Variants in TFDP1 observed in about 807,000 individuals in gnomAD.
TFDP1 encodes transcription factor Dp-1, also known as DRTF1-polypeptide 1.
TFDP1 carries 6 observed loss-of-function variants against 48.0 expected under a neutral mutation model. The observed-to-expected ratio is 0.13, with a 90% CI of 0.07 to 0.25. TFDP1 has a LOEUF of 0.25. TFDP1 is among the 10% of genes least tolerant of loss of function. The pLI is 1.00. For missense variants in TFDP1, 335 were observed against 543.0 expected (o/e 0.62, Z 3.81); for synonymous variants, 201 against 211.6 (o/e 0.95, Z 0.44).
At chr13:113,635,756 C>T (rs575201728) in intron 8 of TFDP1, among the ~76,000 whole-genome samples, 10 of 152,286 alleles carry the variant, frequency 6.6e-5, no homozygotes, top group African/African-American at 1.4e-4. Flanking sequence ...GATGGCTGTG[C>T]GCCCGCTTTC....
At chr13:113,604,006 TAAA>T (rs1316037478) in intron 2 of TFDP1, among the ~76,000 whole-genome samples, 1 of 150,530 alleles carries the variant, frequency 6.6e-6, no homozygotes, top group South Asian at 2.1e-4. Flanking sequence ...CTACTACAAA[TAAA>T]AAAAAATTAG....
At chr13:113,613,988 G>A (rs1452812405) in intron 3 of TFDP1, among the ~76,000 whole-genome samples, 1 of 151,398 alleles carries the variant, frequency 6.6e-6, no homozygotes, top group South Asian at 2.1e-4. Context: ...TGTGTTGTGA[G>A]TGTGCATGAG....
chr13:113,637,665 G>A (rs965094687), intron 10 of TFDP1, 153 bp from the exon 11 acceptor site: 3 of 1,543,224 alleles, frequency 1.9e-6, no homozygotes, highest in African/African-American at 2.7e-5. Flanking sequence ...CCTGCTCCGT[G>A]GCGCAGTGTG....
chr13:113,609,525 G>A (rs571748702), intron 2 of TFDP1, among the ~76,000 whole-genome samples: 2 of 152,140 alleles, frequency 1.3e-5, no homozygotes, highest in African/African-American at 4.8e-5. Context: ...CTGTGGGGAA[G>A]TGGAGTTGTG....
chr13:113,629,724 G>A (rs781595882), intron 4 of TFDP1, among the ~76,000 whole-genome samples: 3 of 152,158 alleles, frequency 2.0e-5, no homozygotes, highest in African/African-American at 7.2e-5. Flanking sequence ...CAGCTCATGC[G>A]GGTTTATCGG....
intron 2 of TFDP1, among the ~76,000 whole-genome samples, chr13:113,603,886 C>A (rs1028703773): frequency 1.3e-5 from 2 of 152,052 alleles, no homozygotes; most frequent in African/African-American, 4.8e-5. Context: ...AAATTAATAG[C>A]AATTTCAGCA....
intron 3 of TFDP1, among the ~76,000 whole-genome samples, chr13:113,614,209 TTGAG>T (rs1047632472): frequency 1.3e-5 from 2 of 151,108 alleles, no homozygotes; most frequent in Non-Finnish European, 3.0e-5. Context: ...TGTGTGCGAG[TTGAG>T]TATGATGTGT....
chr13:113,634,156 C>A, intron 7 of TFDP1, 123 bp downstream of exon 7: 2 of 1,399,996 alleles, frequency 1.4e-6, no homozygotes, highest in Non-Finnish European at 2.0e-6. Context: ...GGCTGGCAGA[C>A]GGTCATGCAG....
At chr13:113,630,179 A>G (rs558321493) in intron 4 of TFDP1, among the ~76,000 whole-genome samples, 142 of 149,680 alleles carry the variant, frequency 9.5e-4, no homozygotes, top group African/African-American at 3.2e-3. Flanking sequence ...ACACACACAC[A>G]CACGCGTATT....
At chr13:113,619,342 G>T (rs901271765) in intron 3 of TFDP1, among the ~76,000 whole-genome samples, 1 of 152,172 alleles carries the variant, frequency 6.6e-6, no homozygotes, top group African/African-American at 2.4e-5. Flanking sequence ...GTGGTGGCAG[G>T]TGCCTGTAGT....
chr13:113,588,804 G>T (rs2048068490), intron 2 of TFDP1, among the ~76,000 whole-genome samples: 1 of 151,430 alleles, frequency 6.6e-6, no homozygotes, highest in Non-Finnish European at 1.5e-5. Flanking sequence ...TAGACTCGGG[G>T]ACAGTGAGTG....
chr13:113,601,788 G>A (rs1437115449), intron 2 of TFDP1, among the ~76,000 whole-genome samples: 1 of 152,224 alleles, frequency 6.6e-6, no homozygotes, highest in Non-Finnish European at 1.5e-5. Flanking sequence ...GTTCTCCGCA[G>A]GAGTTGATGG....
At chr13:113,632,143 G>A (rs572984232) in intron 5 of TFDP1, among the ~76,000 whole-genome samples, 1 of 152,226 alleles carries the variant, frequency 6.6e-6, no homozygotes, top group Non-Finnish European at 1.5e-5. Flanking sequence ...TGCCCCTGGG[G>A]TTACGGCCCC....
chr13:113,605,907 G>A (rs549792423), intron 2 of TFDP1, among the ~76,000 whole-genome samples: 1 of 127,924 alleles, frequency 7.8e-6, no homozygotes, highest in African/African-American at 3.4e-5. Context: ...AAGGCGGCGC[G>A]GTGATGAGTG....
At position 113,623,832 on chromosome 13, in the gene TFDP1, G is replaced by C. The variant is rs1310270059; in HGVS notation, c.186+546G>C. On this transcript the variant is annotated intron_variant, in intron 4 of 11. Transcript: ENST00000375370. This position sits in a 1 kb window ranked among gnomAD's most constrained non-coding sequence, Gnocchi z 5.2. ...CATCCCCCCTCCCCAGGCTGATGCT[G>C]GCCAACTGATGCTGCTTCTCATAAT... 6.6e-6 allele frequency among the ~76,000 whole-genome samples: 1 copy of C among 152,178 alleles called. No homozygotes were observed. The highest frequency in any genetic ancestry group is 1.5e-5 in the Non-Finnish European group (1 of 68,014).
chr13:113,613,721 A>AGT (rs199851051), intron 3 of TFDP1, among the ~76,000 whole-genome samples: 2,993 of 109,998 alleles, frequency 0.027, 151 homozygotes, highest in African/African-American at 0.1. Flanking sequence ...GTATGTGAGG[A>AGT]GTGTGTGCAT....
At chr13:113,601,812 G>A (rs774877938) in intron 2 of TFDP1, among the ~76,000 whole-genome samples, 1 of 152,228 alleles carries the variant, frequency 6.6e-6, no homozygotes, top group Non-Finnish European at 1.5e-5. Context: ...AGCAGACAGA[G>A]TTACCCGCAG....
At chr13:113,590,697 A>G (rs1335113742) in intron 2 of TFDP1, among the ~76,000 whole-genome samples, 1 of 152,076 alleles carries the variant, frequency 6.6e-6, no homozygotes, top group Non-Finnish European at 1.5e-5. Flanking sequence ...GAAACTCTGA[A>G]GGGATATTAA....
intron 4 of TFDP1, among the ~76,000 whole-genome samples, chr13:113,624,261 C>T (rs1005485089): frequency 2.9e-4 from 44 of 152,130 alleles, no homozygotes; most frequent in African/African-American, 8.7e-4. Flanking sequence ...TGAACACCTC[C>T]GGGTGGGATG....
Sources: gnomAD v4.1 joint callset for allele counts (sites outside exome capture counted in the v4.1 genomes callset) on GRCh38, gnomAD v4.1.1 for gene constraint, Gnocchi (gnomAD v3.1) non-coding constraint, MANE v1.5 for transcripts, NCBI Gene and HGNC (gene_info 2026-07-23, HGNC 2026-07-21) for gene names.